The following PLCB2 variants were observed in gnomAD, a reference collection of about 807,000 sequenced individuals.
PLCB2 encodes phospholipase C beta 2.
PLCB2 carries 115 observed loss-of-function variants against 141.7 expected under a neutral mutation model. The ratio of observed to expected loss-of-function variants is 0.81; its 90% CI spans 0.70 to 0.95. The LOEUF (loss-of-function observed/expected upper bound fraction) is 0.95, where lower values mean the gene tolerates loss of function less well. Among genes scored for constraint, PLCB2 ranks in the 40% least tolerant of loss-of-function variants. The pLI, the probability that PLCB2 is intolerant of heterozygous loss-of-function variation, is 0.00. For missense variants in PLCB2, 1,403 were observed against 1,541.1 expected, an observed-to-expected ratio of 0.91 and a Z score of 1.50; for synonymous variants, 603 against 595.6, an observed-to-expected ratio of 1.01 and a Z score of -0.18.
intron 31 of PLCB2, 53 bp downstream of exon 31, chr15:40,289,219 A>T (rs1010463531): frequency 1.8e-5 from 27 of 1,490,952 alleles, no homozygotes; most frequent in Middle Eastern, 1.7e-4. Context: ...AGGCCCCTTT[A>T]CAACCCGGAA....
intron 11 of PLCB2, 55 bp from the exon 12 acceptor site, chr15:40,298,014 C>T (rs1485172211): frequency 5.2e-6 from 7 of 1,354,228 alleles, no homozygotes; most frequent in South Asian, 3.6e-5. Context: ...CTGCCTGTCT[C>T]GTGATAGCAC....
intron 16 of PLCB2, 68 bp from the exon 17 acceptor site, chr15:40,295,353 C>T: frequency 9.1e-7 from 1 of 1,102,684 alleles, no homozygotes; most frequent in South Asian, 1.2e-5. Context: ...TTGGCCTCCC[C>T]TTTGGGGCAG....
chr15:40,307,529 C>T lies in PLCB2; in HGVS notation c.84+60G>A, dbSNP rs3765064. The T allele has an allele frequency of 5.7e-3, 6,283 of 1,101,214 alleles. 119 individuals carry two copies. In the East Asian group the frequency reaches 0.067, roughly 12 times the overall value. 68.2% of individuals were successfully genotyped at this position (1,101,214 alleles called of 1,614,324 possible). On this transcript the variant is annotated intron_variant, in intron 1 of 31. Transcript: ENST00000260402. ...CAATCCTCCCACCCAAGCAAAGCCC[C>T]GTAGCAGCCCGGCCCCCACCACCTG...
At chr15:40,292,261 C>T (rs1206747380) in intron 22 of PLCB2, 78 bp downstream of exon 22, 1 of 1,502,682 alleles carries the variant, frequency 6.7e-7, no homozygotes, top group Admixed American at 1.7e-5. Flanking sequence ...GGATCCCACC[C>T]CAACTCTGGA....
At chr15:40,285,231 C>G (rs933970426), downstream of PLCB2, among the ~76,000 whole-genome samples, 1 of 152,220 alleles carries the variant, frequency 6.6e-6, no homozygotes, top group Non-Finnish European at 1.5e-5. Flanking sequence ...CTACGAAGCC[C>G]CCCTTTTCTC....
At chr15:40,307,296 C>G (rs1352489884) in intron 1 of PLCB2, among the ~76,000 whole-genome samples, 3 of 152,152 alleles carry the variant, frequency 2.0e-5, no homozygotes, top group Non-Finnish European at 2.9e-5. Context: ...CTCCTCTTCT[C>G]TTGGGGGTTT....
intron 21 of PLCB2, among the ~76,000 whole-genome samples, chr15:40,292,721 C>G (rs1595643571): frequency 1.3e-5 from 2 of 152,178 alleles, no homozygotes; most frequent in Non-Finnish European, 2.9e-5. Context: ...ACTGCCCCAG[C>G]CGTTTCAGAA....
chr15:40,288,978 C>T, intron 31 of PLCB2, 60 bp from the exon 32 acceptor site: 3 of 1,586,352 alleles, frequency 1.9e-6, no homozygotes, highest in African/African-American at 2.7e-5. Context: ...CACCCTCGCT[C>T]CCTGGACAGT....
Position 40,293,614 on chromosome 15 carries a change from G to A in PLCB2, c.2172C>T (p.Pro724=). ...PKRRYRTKLS[P]STNSINPVWK... is the part of the protein sequence containing the mutation. ...AGACAGGATTGATGGAGTTAGTACT[G>A]GGTGACAGCTTAGTTCGATAGCGCC... The change falls in exon 20 of 32, where the codon CCC becomes CCT. Residue 724 remains proline (P), a synonymous_variant. Transcript: ENST00000260402. 6.2e-7 allele frequency: 1 copy of A among 1,614,096 alleles called. No individual in the cohort carries two copies. The highest frequency in any genetic ancestry group is 2.2e-5 in the East Asian group (1 of 44,872).
rs1315223014 is a variant in PLCB2 at position 40,292,332 on chromosome 15, C to T, written c.2431+7G>A. The T allele has an allele frequency of 3.8e-6, 6 of 1,596,750 alleles. No homozygotes were observed. The highest frequency in any genetic ancestry group is 2.7e-5 in the African/African-American group (2 of 74,636). On this transcript the variant is annotated splice_region_variant and intron_variant, in intron 22 of 31. Transcript: ENST00000260402. ...CCCGAGGCTCCTGGCATGCCATGGG[C>T]TCCTACCTGCCCAAGCACCAGGTAT...
chr15:40,292,937 G>T lies in PLCB2; in HGVS notation c.2315C>A (p.Ala772Asp). Residue 772 changes from alanine (A) to aspartate (D), a missense_variant, in exon 21 of 32, where the codon GCC (alanine) becomes GAC (aspartate). Around this residue, in one of 4 missense-constraint regions of PLCB2, gnomAD observed 975 missense variants for 1,141.1 expected, o/e 0.85. Coordinates refer to ENST00000260402, the MANE Select transcript of PLCB2 (RefSeq NM_004573.3). The stretch of plus-strand genomic sequence containing the variant: ...ACCCCACTCCTTACCAGAATTTAGG[G>T]CATTGATGGGGATGATGCGGTGTCC... ...FLGHRIIPINALNSGYHHLCL... is the reference protein window; with the variant it reads ...FLGHRIIPINDLNSGYHHLCL... 1 of 1,601,690 alleles carries T rather than the reference G, an allele frequency of 6.2e-7. No individual in the cohort carries two copies. The highest frequency in any genetic ancestry group is 8.5e-7 in the Non-Finnish European group (1 of 1,171,552).
chr15:40,291,605 C>A lies in PLCB2; in HGVS notation c.2647+1G>T, dbSNP rs1243119851. 6.2e-7 allele frequency: 1 copy of A among 1,613,452 alleles called. No individual in the cohort carries two copies. Among genetic ancestry groups the A allele is most frequent in the Non-Finnish European group, 8.5e-7 (1 of 1,179,888 alleles). ...AGATCACCGGGCTCAGCAGGCCTTA[C>A]CCGCAGCTTCTTTCATAGCCTCTTC... is the stretch of plus-strand genomic sequence containing the variant. On this transcript the variant is annotated splice_donor_variant, in intron 25 of 31. Transcript: ENST00000260402. LOFTEE classifies it high-confidence loss of function.
downstream of PLCB2, chr15:40,286,123 G>T: frequency 1.2e-6 from 1 of 823,114 alleles, no homozygotes; most frequent in Non-Finnish European, 1.5e-6. Context: ...AGACTTTGCT[G>T]CAGAGCACAG....
At chr15:40,295,327 G>GATAAAACTCC in intron 16 of PLCB2, 42 bp from the exon 17 acceptor site, 1 of 1,368,818 alleles carries the variant, frequency 7.3e-7, no homozygotes, top group Non-Finnish European at 1.0e-6. Flanking sequence ...TTATCAGGCT[G>GATAAAACTCC]TCCCCTCCCT....
In PLCB2 at chr15:40,288,639, T is replaced by C; in HGVS notation, c.*76A>G. Reference sequence around the variant, plus strand: ...CAGCCTCAGAAGGCTGGGGCTCCTTTTTCCTGGGGGAATAGAACCACATCC... The same window carrying C: ...CAGCCTCAGAAGGCTGGGGCTCCTTCTTCCTGGGGGAATAGAACCACATCC... On this transcript the variant is annotated 3_prime_UTR_variant, in exon 32 of 32. Transcript: ENST00000260402. The C allele has an allele frequency of 6.9e-7, 1 of 1,446,470 alleles. No individual in the cohort carries two copies. The highest frequency in any genetic ancestry group is 1.5e-5 in the South Asian group (1 of 67,114). 89.6% of individuals were successfully genotyped at this position (1,446,470 alleles called of 1,614,324 possible).
chr15:40,303,359 G>T lies in PLCB2; in HGVS notation c.163-3C>A, dbSNP rs745549043. 1 of 1,612,072 alleles carries T rather than the reference G, an allele frequency of 6.2e-7. No homozygotes were observed. The highest frequency in any genetic ancestry group is 2.2e-5 in the East Asian group (1 of 44,870). On this transcript the variant is annotated splice_region_variant and splice_polypyrimidine_tract_variant and intron_variant, in intron 2 of 31. Transcript: ENST00000260402. ...GTGATATCCAGAAACTCCATCTCCT[G>T]GGGGCAGGGTGCGGATCCCGGTGGG...
At chr15:40,285,456 A>G, downstream of PLCB2, 2 of 847,472 alleles carry the variant, frequency 2.4e-6, no homozygotes, top group Non-Finnish European at 2.8e-6. Flanking sequence ...GTGTCAGGGA[A>G]AGAGCTGCAT....
At chr15:40,305,306 G>T (rs935346722) in intron 1 of PLCB2, among the ~76,000 whole-genome samples, 16 of 151,668 alleles carry the variant, frequency 1.1e-4, no homozygotes, top group African/African-American at 3.4e-4. Flanking sequence ...TTTAAGCCTC[G>T]CATGCATTAG....
intron 7 of PLCB2, chr15:40,301,644 A>G (rs2040514832): frequency 2.8e-6 from 2 of 702,820 alleles, no homozygotes; most frequent in Non-Finnish European, 5.2e-6. Context: ...CATTCCCAAC[A>G]CTAGACTGGG....
Sources: allele counts gnomAD v4.1 joint callset (sites outside exome capture counted in the v4.1 genomes callset), GRCh38; gene constraint gnomAD v4.1.1; regional missense constraint gnomAD v4.1.1; transcripts MANE v1.5; gene names NCBI Gene and HGNC (gene_info 2026-07-23, HGNC 2026-07-21).